Variants in PHTF2 observed in about 807,000 individuals in gnomAD.
PHTF2 encodes the protein putative homeodomain transcription factor 2.
In PHTF2, 60 loss-of-function variants were observed where a neutral mutation model predicts 101.2. The ratio of observed to expected loss-of-function variants is 0.59; its 90% CI spans 0.48 to 0.73. PHTF2 has a LOEUF of 0.73. Among genes scored for constraint, PHTF2 ranks in the 30% least tolerant of loss-of-function variants. The pLI is 0.00. For missense variants in PHTF2, 747 were observed against 908.7 expected (o/e 0.82, Z 2.29); for synonymous variants, 311 against 307.3 (o/e 1.01, Z -0.13).
At chr7:77,953,844 C>T (rs1806756251) in exon 19 of PHTF2, 1 of 1,612,556 alleles carries the variant, frequency 6.2e-7, no homozygotes, top group East Asian at 2.2e-5. Context: ...GGTTGTTATC[C>T]TGTCAGCTGT....
exon 11 of PHTF2, chr7:77,922,690 A>G: frequency 5.6e-6 from 9 of 1,610,250 alleles, no homozygotes; most frequent in Non-Finnish European, 7.6e-6. Flanking sequence ...GAAACAGGAT[A>G]CTCATTACGT....
intron 2 of PHTF2, among the ~76,000 whole-genome samples, chr7:77,850,853 T>A (rs1249959623): frequency 6.6e-6 from 1 of 152,132 alleles, no homozygotes; most frequent in Non-Finnish European, 1.5e-5. Context: ...CCAGTTTTTT[T>A]AGTGTTTTTA....
At chr7:77,925,811 A>G (rs1300400836) in intron 11 of PHTF2, among the ~76,000 whole-genome samples, 1 of 152,082 alleles carries the variant, frequency 6.6e-6, no homozygotes, top group African/African-American at 2.4e-5. Flanking sequence ...TAATCGCAGC[A>G]CTTTGGGAGG....
intron 1 of PHTF2, among the ~76,000 whole-genome samples, chr7:77,808,854 G>T (rs1793193279): frequency 6.6e-6 from 1 of 152,082 alleles, no homozygotes; most frequent in South Asian, 2.1e-4. Flanking sequence ...TTTCGGGGAT[G>T]TGCTATCAGT....
chr7:77,800,879 G>T (rs192870567), intron 1 of PHTF2, among the ~76,000 whole-genome samples: 3 of 152,328 alleles, frequency 2.0e-5, no homozygotes, highest in African/African-American at 7.2e-5. Context: ...CTTCACAAAT[G>T]AGTCAGTAGA....
At chr7:77,908,227 TAA>T (rs2150859452) in intron 7 of PHTF2, among the ~76,000 whole-genome samples, 1 of 152,288 alleles carries the variant, frequency 6.6e-6, no homozygotes, top group South Asian at 2.1e-4. Context: ...GAGACGAAGG[TAA>T]AGAGAGTTTA....
intron 3 of PHTF2, among the ~76,000 whole-genome samples, chr7:77,875,213 G>A (rs1210522293): frequency 3.3e-5 from 5 of 152,064 alleles, no homozygotes; most frequent in South Asian, 2.1e-4. Context: ...GTCCATGAGC[G>A]TGGGATGTCT....
chr7:77,894,290 CTT>C (rs1800699972), intron 5 of PHTF2, among the ~76,000 whole-genome samples: 1 of 152,150 alleles, frequency 6.6e-6, no homozygotes, highest in Non-Finnish European at 1.5e-5. Context: ...TCCCAGCACT[CTT>C]TATTGGTAAT....
At chr7:77,827,092 TAGC>T (rs1449711501) in intron 1 of PHTF2, among the ~76,000 whole-genome samples, 3 of 152,244 alleles carry the variant, frequency 2.0e-5, no homozygotes, top group East Asian at 1.9e-4. Flanking sequence ...TCTGCTTTCA[TAGC>T]AGGAAGTCAT....
intron 15 of PHTF2, 146 bp downstream of exon 14, chr7:77,940,805 G>C: frequency 1.9e-6 from 1 of 536,236 alleles, no homozygotes; most frequent in South Asian, 5.2e-5. Flanking sequence ...GTTTCTACTA[G>C]CCTGGTTGTC....
At chr7:77,935,129 CCACA>C (rs1481641670) in intron 12 of PHTF2, among the ~76,000 whole-genome samples, 10 of 125,436 alleles carry the variant, frequency 8.0e-5, no homozygotes, top group Admixed American at 1.7e-4. Flanking sequence ...TTCCCCCCCC[CCACA>C]CACACACACA....
chr7:77,874,046 C>G (rs1250263955), intron 3 of PHTF2, among the ~76,000 whole-genome samples: 3 of 152,208 alleles, frequency 2.0e-5, no homozygotes, highest in African/African-American at 7.2e-5. Context: ...GTCCACTGAA[C>G]TTAGGAGCAA....
chr7:77,871,045 G>T (rs938724403), intron 3 of PHTF2, among the ~76,000 whole-genome samples: 1 of 152,170 alleles, frequency 6.6e-6, no homozygotes, highest in Non-Finnish European at 1.5e-5. Context: ...TCGTGTGGTC[G>T]TAGCTGGTAT....
At chr7:77,805,949 C>G (rs1305542098) in intron 1 of PHTF2, among the ~76,000 whole-genome samples, 1 of 152,084 alleles carries the variant, frequency 6.6e-6, no homozygotes, top group African/African-American at 2.4e-5. Context: ...CCGAGGCAGG[C>G]GGGTCATTTG....
chr7:77,803,988 A>G (rs1238663351), intron 1 of PHTF2, among the ~76,000 whole-genome samples: 1 of 152,166 alleles, frequency 6.6e-6, no homozygotes, highest in Non-Finnish European at 1.5e-5. Context: ...AAATAAATGA[A>G]GTAGGATTTC....
chr7:77,865,111 A>G (rs1797947532), intron 3 of PHTF2, among the ~76,000 whole-genome samples: 1 of 152,160 alleles, frequency 6.6e-6, no homozygotes, highest in South Asian at 2.1e-4. Flanking sequence ...AGACAGGGAA[A>G]GCTACAGAGA....
rs1334276772 is a variant in PHTF2, at chr7:77,870,566, A to G, written c.147+15732A>G. Among the ~76,000 whole-genome samples the G allele has an allele frequency of 2.0e-5, 3 of 152,078 alleles. No homozygotes were observed. In the East Asian group the frequency reaches 5.8e-4, roughly 29 times the overall value. On this transcript the variant is annotated intron_variant, in intron 3 of 19. Transcript: ENST00000416283. ...ACTGGCAGCTGATTAGCTTGTGCCC[A>G]CCTAGATTAAGGGTGGGTCTGCTTT...
chr7:77,908,640 A>G (rs1802083901), intron 7 of PHTF2, among the ~76,000 whole-genome samples, 153 bp from the exon 7 acceptor site: 1 of 152,212 alleles, frequency 6.6e-6, no homozygotes, highest in Admixed American at 6.5e-5. Flanking sequence ...ACAATAAAAC[A>G]GTCTGAGAGA....
chr7:77,918,806 A>G (rs1468029808), intron 9 of PHTF2, among the ~76,000 whole-genome samples: 1 of 152,042 alleles, frequency 6.6e-6, no homozygotes, highest in Non-Finnish European at 1.5e-5. Flanking sequence ...GCTTCTGAGG[A>G]TCATACAGAA....
Sources: gnomAD v4.1 joint callset for allele counts (sites outside exome capture counted in the v4.1 genomes callset) on GRCh38, gnomAD v4.1.1 for gene constraint, MANE v1.5 for transcripts, NCBI Gene and HGNC (gene_info 2026-07-23, HGNC 2026-07-21) for gene names.